PMEPA1: variants seen among roughly 807,000 people sequenced by gnomAD.
PMEPA1 encodes the protein protein TMEPAI.
Under a neutral mutation model 23.0 loss-of-function variants are expected in PMEPA1, and 11 were observed. The ratio of observed to expected loss-of-function variants is 0.48; its 90% confidence interval spans 0.30 to 0.79. The LOEUF (loss-of-function observed/expected upper bound fraction) is 0.79. PMEPA1 is among the 30% of genes least tolerant of loss of function. The pLI is 0.06. For synonymous variants in PMEPA1, 204 were observed against 166.4 expected (o/e 1.23, Z -1.74); for missense variants, 377 against 390.9 (o/e 0.96, Z 0.30).
chr20:57,709,627 G>A lies in PMEPA1; in HGVS notation c.-45C>T, dbSNP rs1336634881. The A allele has an allele frequency of 1.1e-5, 11 of 970,538 alleles. No homozygotes were observed. Among genetic ancestry groups the A allele is most frequent in the Non-Finnish European group, 1.4e-5 (11 of 813,432 alleles). 60.1% of individuals were successfully genotyped at this position (970,538 alleles called of 1,614,324 possible). On this transcript the variant is annotated 5_prime_UTR_variant, in exon 1 of 4. Transcript: ENST00000341744. Reference sequence around the variant, plus strand: ...CGCGGGGCGCGGGGGGCTCGGGGGCGGCCGGGGGGGGCTCCGGCCGGCGCC... The same window carrying A: ...CGCGGGGCGCGGGGGGCTCGGGGGCAGCCGGGGGGGGCTCCGGCCGGCGCC...
intron 1 of PMEPA1, among the ~76,000 whole-genome samples, chr20:57,693,033 G>A (rs1384885533): frequency 1.3e-5 from 2 of 152,226 alleles, no homozygotes; most frequent in African/African-American, 4.8e-5. Context: ...ACTCAGCCAA[G>A]TCCCGAAGTG....
At chr20:57,666,685 C>T (rs1240817446) in intron 1 of PMEPA1, among the ~76,000 whole-genome samples, 1 of 152,222 alleles carries the variant, frequency 6.6e-6, no homozygotes, top group African/African-American at 2.4e-5. Flanking sequence ...GTATTCATGG[C>T]CTGTGGTACC....
At chr20:57,703,879 C>T (rs2072043415) in intron 1 of PMEPA1, among the ~76,000 whole-genome samples, 2 of 152,204 alleles carry the variant, frequency 1.3e-5, no homozygotes, top group South Asian at 4.1e-4. Flanking sequence ...AGGCCACACA[C>T]AGCCAGAATC....
At chr20:57,702,382 C>T (rs893220499) in intron 1 of PMEPA1, among the ~76,000 whole-genome samples, 13 of 152,174 alleles carry the variant, frequency 8.5e-5, no homozygotes, top group African/African-American at 3.1e-4. Context: ...ACAGAGACAC[C>T]AGCTCCTCAT....
In PMEPA1 at chr20:57,680,343, G is replaced by A. The variant is rs139457089; in HGVS notation, c.110-20646C>T. The stretch of plus-strand genomic sequence containing the variant: ...AGGGCTAAGGTGTGGTTCTTCTACC[G>A]GAGATGATTTTGCCCCAGGGGACAT... On this transcript the variant is annotated intron_variant, in intron 1 of 3. Transcript: ENST00000341744. Among the ~76,000 whole-genome samples the A allele has an allele frequency of 3.4e-3, 515 of 152,314 alleles. 4 individuals are homozygous for A. The highest frequency in any genetic ancestry group is 0.012 in the African/African-American group (493 of 41,574).
At position 57,652,143 on chromosome 20, in the gene PMEPA1, C is replaced by T. The variant is rs1459728790; in HGVS notation, c.774G>A (p.Gly258=). ...QSSGPPSLLE[G]TRLHHTHIAP... The stretch of plus-strand genomic sequence containing the variant: ...CGATGTGTGTGTGGTGGAGCCGGGT[C>T]CCCTCCAGCAAGGAGGGCGGCCCAC... The change falls in exon 4 of 4, where the codon GGG becomes GGA. Residue 258 remains glycine (G), a synonymous_variant. Coordinates refer to ENST00000341744, the MANE Select transcript of PMEPA1 (RefSeq NM_020182.5). The surrounding 1 kb of genome is among the most constrained non-coding windows in gnomAD (Gnocchi z 6.1). 6.3e-7 allele frequency: 1 copy of T among 1,598,834 alleles called. No homozygotes were observed. The highest frequency in any genetic ancestry group is 8.5e-7 in the Non-Finnish European group (1 of 1,172,686).
At chr20:57,679,798 G>GA (rs922921737) in intron 1 of PMEPA1, among the ~76,000 whole-genome samples, 1 of 152,164 alleles carries the variant, frequency 6.6e-6, no homozygotes, top group Non-Finnish European at 1.5e-5. Flanking sequence ...AAAACCTTGG[G>GA]AAAAAACTCA....
intron 1 of PMEPA1, among the ~76,000 whole-genome samples, chr20:57,665,080 G>T (rs2071473914): frequency 6.6e-6 from 1 of 152,180 alleles, no homozygotes; most frequent in African/African-American, 2.4e-5. Flanking sequence ...ACATTGCCAA[G>T]CAGTCATAGG....
intron 1 of PMEPA1, among the ~76,000 whole-genome samples, chr20:57,663,182 C>T (rs143575105): frequency 6.6e-6 from 1 of 152,322 alleles, no homozygotes; most frequent in Non-Finnish European, 1.5e-5. Flanking sequence ...GAGAAAAACT[C>T]TCTAGAAAAG....
At chr20:57,709,019 C>G (rs1011536063) in intron 1 of PMEPA1, among the ~76,000 whole-genome samples, 1 of 152,116 alleles carries the variant, frequency 6.6e-6, no homozygotes. Context: ...GACACAGCGC[C>G]GCGAACACTC....
In PMEPA1 at chr20:57,651,433, A is replaced by G. The variant is rs1446529915; in HGVS notation, c.*620T>C. 6.5e-6 allele frequency: 1 copy of G among 152,692 alleles called. No individual in the cohort carries two copies. Among genetic ancestry groups the G allele is most frequent in the Admixed American group, 6.5e-5 (1 of 15,290 alleles). 9.5% of individuals were successfully genotyped at this position (152,692 alleles called of 1,614,324 possible). ...AGCACTGACATATTTATATTAAAAA[A>G]TAGTGCAAAATCTCAACATTTATAT... On this transcript the variant is annotated 3_prime_UTR_variant, in exon 4 of 4. Coordinates refer to ENST00000341744, the MANE Select transcript of PMEPA1 (RefSeq NM_020182.5).
rs868004789 is a variant in PMEPA1, at chr20:57,655,403, C to A, written c.265-2317G>T. ...CGGTGGCCTATTCAGGGGTCTCACT[C>A]GCCCTGCAGGAGCTGCTACCGTTTC... On this transcript the variant is annotated intron_variant, in intron 2 of 3. Transcript: ENST00000341744. This position sits in a 1 kb window ranked among gnomAD's most constrained non-coding sequence, Gnocchi z 4.2. Among the ~76,000 whole-genome samples the A allele has an allele frequency of 6.6e-6, 1 of 152,232 alleles. No homozygotes were observed. The highest frequency in any genetic ancestry group is 1.5e-5 in the Non-Finnish European group (1 of 68,044).
chr20:57,683,541 T>A lies in PMEPA1; in HGVS notation c.110-23844A>T, dbSNP rs1182944248. ...TACTATACTAACTCGGTGGTGGTGTTCTGGCCTGTGTGCGTGTGTGTGTGT... is the reference window on the plus strand; with the variant it reads ...TACTATACTAACTCGGTGGTGGTGTACTGGCCTGTGTGCGTGTGTGTGTGT... On this transcript the variant is annotated intron_variant, in intron 1 of 3. Transcript: ENST00000341744. This position sits in a 1 kb window ranked among gnomAD's most constrained non-coding sequence, Gnocchi z 4.3. Among the ~76,000 whole-genome samples the A allele has an allele frequency of 1.2e-5, 1 of 84,430 alleles. No homozygotes were observed. The highest frequency in any genetic ancestry group is 7.0e-5 in the African/African-American group (1 of 14,232). The allele number at this position is 84,430 out of a possible 152,430, so 55.4% of individuals were successfully genotyped here. A position where few individuals can be genotyped will look rare whatever the true frequency, so the allele number is the denominator to read the frequency against.
At position 57,678,300 on chromosome 20, in the gene PMEPA1, T is replaced by C. The variant is rs934978362; in HGVS notation, c.110-18603A>G. 5.9e-5 allele frequency among the ~76,000 whole-genome samples: 9 copies of C among 152,358 alleles called. No homozygotes were observed. The Middle Eastern group carries it at 0.01, about 173-fold the overall frequency. ...TACCATTGGGGGAAGCTGGAGGATATCTACATAGAACCTCTCTGTATTATT... is the reference window on the plus strand; with the variant it reads ...TACCATTGGGGGAAGCTGGAGGATACCTACATAGAACCTCTCTGTATTATT... On this transcript the variant is annotated intron_variant, in intron 1 of 3. Coordinates refer to ENST00000341744, the MANE Select transcript of PMEPA1 (RefSeq NM_020182.5).
intron 1 of PMEPA1, among the ~76,000 whole-genome samples, chr20:57,664,066 C>T (rs1405548771): frequency 1.3e-5 from 2 of 152,226 alleles, no homozygotes; most frequent in African/African-American, 2.4e-5. Context: ...GGAATGCATT[C>T]TCTGGGGAGT....
intron 1 of PMEPA1, among the ~76,000 whole-genome samples, chr20:57,692,495 C>A (rs1243697957): frequency 6.6e-6 from 1 of 151,768 alleles, no homozygotes; most frequent in Non-Finnish European, 1.5e-5. Flanking sequence ...AGCCCGGTCC[C>A]CCTGAAGCCC....
intron 1 of PMEPA1, among the ~76,000 whole-genome samples, chr20:57,676,907 G>T (rs745743672): frequency 6.6e-6 from 1 of 152,056 alleles, no homozygotes; most frequent in Non-Finnish European, 1.5e-5. Flanking sequence ...CCCTGCAGCC[G>T]GAACAATCTT....
At chr20:57,689,045 G>T (rs566565951) in intron 1 of PMEPA1, among the ~76,000 whole-genome samples, 1 of 152,232 alleles carries the variant, frequency 6.6e-6, no homozygotes, top group Non-Finnish European at 1.5e-5. Context: ...TTATTTAGAC[G>T]GTGTCAGCTA....
intron 1 of PMEPA1, chr20:57,690,414 G>A (rs774525427): frequency 7.7e-7 from 1 of 1,302,776 alleles, no homozygotes; most frequent in South Asian, 1.2e-5. Flanking sequence ...TGGAATTGCA[G>A]GCATTTTGAC....
Sources: gnomAD v4.1 joint callset for allele counts (sites outside exome capture counted in the v4.1 genomes callset) on GRCh38, gnomAD v4.1.1 for gene constraint, Gnocchi (gnomAD v3.1) non-coding constraint, MANE v1.5 for transcripts, NCBI Gene and HGNC (gene_info 2026-07-23, HGNC 2026-07-21) for gene names.